The following IL2RB variants were observed in gnomAD, a reference collection of about 807,000 sequenced individuals.
IL2RB encodes the protein interleukin 2 receptor subunit beta.
A neutral mutation model predicts 44.2 loss-of-function variants in IL2RB; 17 were observed. That is an observed-to-expected ratio of 0.38 (90% confidence interval 0.26 to 0.58). The LOEUF is 0.58. Ranked by LOEUF, IL2RB falls within the 20% of genes least tolerant of loss-of-function variation. The probability of loss-of-function intolerance (pLI) is 0.63; values close to 1 mark genes in which losing one functional copy is unlikely to be tolerated. For synonymous variants in IL2RB, 286 were observed against 297.9 expected (o/e 0.96, Z 0.41); for missense variants, 624 against 685.5 (o/e 0.91, Z 1.00).
chr22:37,160,879 C>A lies in IL2RB; in HGVS notation c.-34+14079G>T, dbSNP rs542842762. Among the ~76,000 whole-genome samples the A allele has an allele frequency of 4.5e-3, 684 of 151,936 alleles. 4 individuals are homozygous for A. Among genetic ancestry groups the A allele is most frequent in the African/African-American group, 0.015 (635 of 41,380 alleles). The stretch of plus-strand genomic sequence containing the variant: ...ACAAAAGACTGGATGCGGTGGCTCA[C>A]ACCTGTAATCCCAGCATTTTGGGAG... On this transcript the variant is annotated intron_variant, in intron 1 of 5. Coordinates refer to the IL2RB transcript ENST00000429622.
At chr22:37,151,933 T>G (rs1030154817), upstream of IL2RB, among the ~76,000 whole-genome samples, 2 of 152,244 alleles carry the variant, frequency 1.3e-5, no homozygotes, top group Non-Finnish European at 2.9e-5. Flanking sequence ...TCAATGCATC[T>G]GTTTTTACGC....
At chr22:37,136,785 C>T (rs574418182) in intron 6 of IL2RB, among the ~76,000 whole-genome samples, 5 of 152,332 alleles carry the variant, frequency 3.3e-5, no homozygotes, top group African/African-American at 1.2e-4. Flanking sequence ...GCACACCTCT[C>T]CCACCCTGGG....
At position 37,144,204 on chromosome 22, in the gene IL2RB, C is replaced by T. The variant is rs1286207321; in HGVS notation, c.-32G>A. Reference sequence around the variant, plus strand: ...CACAGGGTGGAGCCGAGGAAGGAAGCCCTGGTGGGAGAGGAGAAAGAGAGA... The same window carrying T: ...CACAGGGTGGAGCCGAGGAAGGAAGTCCTGGTGGGAGAGGAGAAAGAGAGA... On this transcript the variant is annotated splice_region_variant and 5_prime_UTR_variant, in exon 2 of 10. Transcript: ENST00000216223. The T allele has an allele frequency of 6.5e-7, 1 of 1,544,512 alleles. No homozygotes were observed. Among genetic ancestry groups the T allele is most frequent in the Non-Finnish European group, 8.7e-7 (1 of 1,143,690 alleles).
Position 37,139,136 on chromosome 22 carries a change from G to A in IL2RB, c.369C>T (p.Asp123=), listed in dbSNP as rs770365586. 6.2e-7 allele frequency: 1 copy of A among 1,613,014 alleles called. No homozygotes were observed. The change falls in exon 5 of 10, where the codon GAC becomes GAT. Residue 123 remains aspartate (D), a synonymous_variant. Transcript: ENST00000216223. The part of the protein sequence containing the change: ...GVRWRVMAIQ[D]FKPFENLRLM... Reference sequence around the variant, plus strand: ...ACTCACGGTTCTCAAAGGGCTTGAAGTCCTGGATGGCCATCACCCTCCATC... The same window carrying A: ...ACTCACGGTTCTCAAAGGGCTTGAAATCCTGGATGGCCATCACCCTCCATC...
chr22:37,155,365 C>A (rs910454367), intron 1 of IL2RB, among the ~76,000 whole-genome samples: 1 of 152,218 alleles, frequency 6.6e-6, no homozygotes, highest in Non-Finnish European at 1.5e-5. Context: ...GTCATTTCAC[C>A]CCCCAGCCAC....
At chr22:37,156,094 T>C (rs1922671171) in intron 1 of IL2RB, among the ~76,000 whole-genome samples, 1 of 152,182 alleles carries the variant, frequency 6.6e-6, no homozygotes, top group South Asian at 2.1e-4. Flanking sequence ...GCTTGGCCCT[T>C]GCGCTCAGCC....
Position 37,170,466 on chromosome 22 carries a change from G to A in IL2RB, c.-34+4492C>T, listed in dbSNP as rs149191417. On this transcript the variant is annotated intron_variant, in intron 1 of 5. Transcript: ENST00000429622. ...TGCACTGTCCCCGCTGCCCCCAGCCGTGGAGAGATGCGTGTCTGCCACAGG... is the reference window on the plus strand; with the variant it reads ...TGCACTGTCCCCGCTGCCCCCAGCCATGGAGAGATGCGTGTCTGCCACAGG... Among the ~76,000 whole-genome samples the A allele has an allele frequency of 2.5e-3, 378 of 152,288 alleles. 2 individuals carry two copies. The highest frequency in any genetic ancestry group is 8.9e-3 in the African/African-American group (368 of 41,550).
At chr22:37,144,337 A>G (rs1922125556) in intron 1 of IL2RB, 132 bp from the exon 2 acceptor site, 2 of 1,180,486 alleles carry the variant, frequency 1.7e-6, no homozygotes, top group Non-Finnish European at 2.3e-6. Context: ...GTCCAGCCCC[A>G]GGGCCTTTGC....
rs1003399826 is a variant in IL2RB, at chr22:37,147,279, C to T, written c.-34+2546G>A. On this transcript the variant is annotated intron_variant, in intron 1 of 9. Transcript: ENST00000216223. ...AACGGAGGCACACAGAGGTGAAGTG[C>T]GTTGCCTAAGGTCATGCAGTGGATA... is the stretch of plus-strand genomic sequence containing the variant. Among the ~76,000 whole-genome samples, 11 of 152,302 alleles carry T rather than the reference C, an allele frequency of 7.2e-5. 2 individuals are homozygous for T. The highest frequency in any genetic ancestry group is 2.4e-5 in the African/African-American group (1 of 41,574).
chr22:37,169,389 T>A (rs1923197597), intron 1 of IL2RB, among the ~76,000 whole-genome samples: 1 of 151,976 alleles, frequency 6.6e-6, no homozygotes, highest in Admixed American at 6.5e-5. Flanking sequence ...GGATTCTGTT[T>A]ACAGAGGGTT....
chr22:37,129,168 T>C (rs84458), intron 9 of IL2RB, among the ~76,000 whole-genome samples: 38,714 of 152,170 alleles, frequency 0.25, 5,593 homozygotes, highest in African/African-American at 0.38. Flanking sequence ...AGCCTGGCAC[T>C]GTTCTAGATG....
intron 4 of IL2RB, 35 bp downstream of exon 4, chr22:37,142,397 CCT>C (rs776316599): frequency 3.2e-6 from 5 of 1,573,744 alleles, no homozygotes; most frequent in Non-Finnish European, 4.4e-6. Context: ...GGGAGACCAC[CCT>C]CTCCCTGCAC....
At chr22:37,136,471 C>T in intron 6 of IL2RB, 78 bp from the exon 7 acceptor site, 1 of 1,444,678 alleles carries the variant, frequency 6.9e-7, no homozygotes, top group Non-Finnish European at 9.3e-7. Context: ...ACAGAACCCC[C>T]CCCCAACCCC....
At chr22:37,159,690 A>G (rs1244122435) in intron 1 of IL2RB, among the ~76,000 whole-genome samples, 1 of 152,236 alleles carries the variant, frequency 6.6e-6, no homozygotes, top group Non-Finnish European at 1.5e-5. Flanking sequence ...AACACGCCAC[A>G]GTGAGGATGC....
At chr22:37,174,263 G>A (rs1923380392) in intron 1 of IL2RB, among the ~76,000 whole-genome samples, 1 of 152,206 alleles carries the variant, frequency 6.6e-6, no homozygotes, top group Non-Finnish European at 1.5e-5. Context: ...CCATGAAGCT[G>A]AAGGCCAAGG....
chr22:37,154,636 C>T (rs1009002229), upstream of IL2RB, among the ~76,000 whole-genome samples: 1 of 148,502 alleles, frequency 6.7e-6, no homozygotes, highest in African/African-American at 2.5e-5. Context: ...AGTGCAGTGG[C>T]GCGATCTCGG....
At chr22:37,135,207 T>A (rs1921623002) in intron 8 of IL2RB, 121 bp downstream of exon 8, 1 of 684,752 alleles carries the variant, frequency 1.5e-6, no homozygotes, top group Non-Finnish European at 2.6e-6. Context: ...AGGTGGCATG[T>A]GTTCATGTAA....
chr22:37,131,844 C>G (rs10854697), intron 9 of IL2RB, among the ~76,000 whole-genome samples: 40,551 of 151,784 alleles, frequency 0.27, 6,245 homozygotes, highest in East Asian at 0.6. Context: ...TCAAGCGATT[C>G]CCCTGTCTCA....
At chr22:37,173,600 A>G (rs897069693) in intron 1 of IL2RB, among the ~76,000 whole-genome samples, 44 of 152,282 alleles carry the variant, frequency 2.9e-4, no homozygotes, top group African/African-American at 1.0e-3. Flanking sequence ...TTTAATCCTC[A>G]CAACAGCCCA....
Sources: allele counts gnomAD v4.1 joint callset (sites outside exome capture counted in the v4.1 genomes callset), GRCh38; gene constraint gnomAD v4.1.1; transcripts MANE v1.5; gene names NCBI Gene and HGNC (gene_info 2026-07-23, HGNC 2026-07-21).